Variants in KHDRBS2 observed in about 807,000 individuals in gnomAD.
The protein encoded by KHDRBS2 is KH RNA binding domain containing, signal transduction associated 2.
A neutral mutation model predicts 44.3 loss-of-function variants in KHDRBS2; 26 were observed. The observed-to-expected ratio is 0.59, with a 90% CI of 0.43 to 0.81. The LOEUF (loss-of-function observed/expected upper bound fraction) is 0.81, where lower values mean the gene tolerates loss of function less well. Among genes scored for constraint, KHDRBS2 ranks in the 40% least tolerant of loss-of-function variants. The probability of loss-of-function intolerance (pLI) is 0.00; values close to 1 mark genes in which losing one functional copy is unlikely to be tolerated. For missense variants in KHDRBS2, 476 were observed against 433.1 expected, an observed-to-expected ratio of 1.10 and a Z score of -0.88; for synonymous variants, 194 against 151.1, an observed-to-expected ratio of 1.28 and a Z score of -2.08.
intron 3 of KHDRBS2, among the ~76,000 whole-genome samples, chr6:61,991,154 CA>C (rs1185045118): frequency 6.6e-6 from 1 of 152,086 alleles, no homozygotes; most frequent in African/African-American, 2.4e-5. Flanking sequence ...ACGTTTAGAC[CA>C]CCTGGAATTA....
At chr6:61,799,094 C>T (rs527387156) in intron 6 of KHDRBS2, among the ~76,000 whole-genome samples, 9 of 152,050 alleles carry the variant, frequency 5.9e-5, no homozygotes, top group African/African-American at 1.9e-4. Context: ...AGGCATCAGT[C>T]GTGAATTACA....
At chr6:61,609,029 G>A in the KHDRBS2 span, among the ~76,000 whole-genome samples, 420 of 152,246 alleles carry the variant, frequency 2.8e-3, 3 homozygotes, top group African/African-American at 9.3e-3. Flanking sequence ...CTTCCACAAT[G>A]GCTGAACTAA....
intron 2 of KHDRBS2, among the ~76,000 whole-genome samples, chr6:62,058,540 G>C (rs960493376): frequency 6.6e-6 from 1 of 151,724 alleles, no homozygotes; most frequent in Non-Finnish European, 1.5e-5. Context: ...AAGCAATCTA[G>C]GGCAGATTGC....
the KHDRBS2 span, among the ~76,000 whole-genome samples, chr6:61,655,189 C>T: frequency 2.0e-5 from 3 of 151,470 alleles, no homozygotes; most frequent in Middle Eastern, 3.2e-3. Flanking sequence ...GTATTCCAAA[C>T]ACTAGGTTCT....
chr6:61,615,212 GA>G, the KHDRBS2 span, among the ~76,000 whole-genome samples: 3,857 of 103,078 alleles, frequency 0.037, 101 homozygotes, highest in Non-Finnish European at 0.054. Flanking sequence ...CAGCCTGGGT[GA>G]CAGAGCAAGA....
intron 2 of KHDRBS2, among the ~76,000 whole-genome samples, chr6:62,106,651 T>G (rs1179839168): frequency 6.6e-6 from 1 of 151,972 alleles, no homozygotes; most frequent in East Asian, 1.9e-4. Context: ...CAGAGACATT[T>G]TAGACCAATA....
intron 2 of KHDRBS2, among the ~76,000 whole-genome samples, chr6:62,135,678 T>C (rs183184534): frequency 1.4e-4 from 21 of 152,126 alleles, no homozygotes; most frequent in Admixed American, 1.2e-3. Flanking sequence ...TATATAAATA[T>C]ATATATGTAC....
chr6:62,030,157 A>T (rs1784083304), intron 3 of KHDRBS2, among the ~76,000 whole-genome samples: 1 of 152,050 alleles, frequency 6.6e-6, no homozygotes, highest in South Asian at 2.1e-4. Flanking sequence ...TTAACATCAG[A>T]TGTGAGGGAG....
intron 7 of KHDRBS2, among the ~76,000 whole-genome samples, chr6:61,706,511 G>A (rs1399961464): frequency 6.6e-6 from 1 of 151,748 alleles, no homozygotes; most frequent in Non-Finnish European, 1.5e-5. Context: ...GCCAGGTAAT[G>A]AGGCTTGGGT....
At chr6:61,554,984 TC>T in the KHDRBS2 span, among the ~76,000 whole-genome samples, 1 of 152,190 alleles carries the variant, frequency 6.6e-6, no homozygotes, top group African/African-American at 2.4e-5. Flanking sequence ...TGACTATGTG[TC>T]CTGGAGGTGG....
intron 4 of KHDRBS2, among the ~76,000 whole-genome samples, chr6:61,907,756 A>G (rs73487388): frequency 0.01 from 1,573 of 152,198 alleles, 28 homozygotes; most frequent in African/African-American, 0.036. Flanking sequence ...GTTTTATATT[A>G]TAGTGCTTTT....
At chr6:61,792,859 C>T (rs1456457794) in intron 6 of KHDRBS2, among the ~76,000 whole-genome samples, 1 of 151,790 alleles carries the variant, frequency 6.6e-6, no homozygotes, top group Non-Finnish European at 1.5e-5. Flanking sequence ...TACAATGCAA[C>T]TTTAATTAAA....
intron 4 of KHDRBS2, among the ~76,000 whole-genome samples, chr6:61,977,435 C>A (rs1234310803): frequency 6.6e-6 from 1 of 152,122 alleles, no homozygotes; most frequent in African/African-American, 2.4e-5. Context: ...TACCAGTATG[C>A]AACCCTGAAT....
chr6:61,976,926 T>C (rs1346688538), intron 4 of KHDRBS2, among the ~76,000 whole-genome samples: 1 of 152,142 alleles, frequency 6.6e-6, no homozygotes. Flanking sequence ...CAGATGAGCA[T>C]CAGATAATAA....
chr6:62,267,936 C>T (rs774068988), intron 1 of KHDRBS2, among the ~76,000 whole-genome samples: 2 of 151,842 alleles, frequency 1.3e-5, no homozygotes, highest in Admixed American at 6.6e-5. Flanking sequence ...AAGACGAAAT[C>T]GATATTTATA....
chr6:61,713,569 T>G (rs994558595), intron 7 of KHDRBS2, among the ~76,000 whole-genome samples: 3 of 138,514 alleles, frequency 2.2e-5, no homozygotes, highest in Non-Finnish European at 4.6e-5. Context: ...TCAGGTGATC[T>G]GATACCTTTA....
At position 61,894,756 on chromosome 6, in the gene KHDRBS2, C is replaced by T. The variant is rs374827571; in HGVS notation, c.689G>A (p.Arg230His). 109 of 1,613,512 alleles carry T rather than the reference C, an allele frequency of 6.8e-5. 2 individuals are homozygous for T. Among genetic ancestry groups the T allele is most frequent in the South Asian group, 6.0e-4 (55 of 90,966 alleles). The change falls in exon 6 of 9, where the codon CGT becomes CAT. Residue 230 changes from arginine (R) to histidine (H), a missense_variant. Physicochemically the swap from Arg to His is conservative, Grantham distance 29. Transcript: ENST00000281156. ...VLTPRGSTVT[R>H]GALPVPPVAR... Reference sequence around the variant, plus strand: ...TACAGGTGGCACTGGAAGCGCTCCACGGGTTACAGTGCTTCCCCGAGGGGT... The same window carrying T: ...TACAGGTGGCACTGGAAGCGCTCCATGGGTTACAGTGCTTCCCCGAGGGGT...
chr6:61,943,619 T>C (rs1005689949), intron 4 of KHDRBS2, among the ~76,000 whole-genome samples: 1 of 145,276 alleles, frequency 6.9e-6, no homozygotes, highest in Non-Finnish European at 1.5e-5. Context: ...AAGAGCTCAA[T>C]AGCACAGATA....
chr6:62,130,032 T>G (rs1346709057), intron 2 of KHDRBS2, among the ~76,000 whole-genome samples: 1 of 152,220 alleles, frequency 6.6e-6, no homozygotes, highest in Admixed American at 6.6e-5. Context: ...TCCAGATAAT[T>G]TTTTAAAAAC....
Sources: allele counts gnomAD v4.1 joint callset (sites outside exome capture counted in the v4.1 genomes callset), GRCh38; gene constraint gnomAD v4.1.1; transcripts MANE v1.5; gene names NCBI Gene and HGNC (gene_info 2026-07-23, HGNC 2026-07-21).